Variants in PCDH15 observed in about 807,000 individuals in gnomAD.
PCDH15 encodes protocadherin related 15, also known as protocadherin-15.
In PCDH15, 129 loss-of-function variants were observed where a neutral mutation model predicts 178.5. The observed-to-expected ratio is 0.72, with a 90% CI of 0.63 to 0.84. PCDH15 has a LOEUF of 0.84. Among genes scored for constraint, PCDH15 ranks in the 40% least tolerant of loss-of-function variants. PCDH15 has a pLI of 0.00. For missense variants in PCDH15, 2,230 were observed against 2,099.9 expected, an observed-to-expected ratio of 1.06 and a Z score of -1.21; for synonymous variants, 800 against 732.0, an observed-to-expected ratio of 1.09 and a Z score of -1.50.
chr10:54,778,561 T>A (rs1039891855), intron 1 of PCDH15, among the ~76,000 whole-genome samples: 5 of 152,164 alleles, frequency 3.3e-5, no homozygotes, highest in Non-Finnish European at 7.4e-5. Flanking sequence ...TACACTTTTG[T>A]TTCTGGTTAG....
intron 1 of PCDH15, among the ~76,000 whole-genome samples, chr10:55,224,838 C>A (rs1840981874): frequency 6.6e-6 from 1 of 152,014 alleles, no homozygotes; most frequent in Non-Finnish European, 1.5e-5. Context: ...CTTTACCTTT[C>A]CATTCTCACT....
At chr10:54,467,182 T>G (rs1409012598) in intron 3 of PCDH15, among the ~76,000 whole-genome samples, 1 of 151,944 alleles carries the variant, frequency 6.6e-6, no homozygotes, top group Non-Finnish European at 1.5e-5. Flanking sequence ...GCTAGGCCTT[T>G]GAGTACTATG....
chr10:54,868,252 A>G (rs995355811), intron 3 of PCDH15, among the ~76,000 whole-genome samples: 3 of 152,156 alleles, frequency 2.0e-5, no homozygotes, highest in Non-Finnish European at 2.9e-5. Context: ...ATAGATGTAG[A>G]TTATTCTATT....
chr10:53,961,163 T>C (rs1320612847), intron 22 of PCDH15, among the ~76,000 whole-genome samples: 2 of 151,734 alleles, frequency 1.3e-5, no homozygotes, highest in African/African-American at 2.4e-5. Context: ...GGAAAATGGA[T>C]ACTCTCAGGA....
chr10:55,611,630 T>A (rs1393798023), intron 2 of PCDH15, among the ~76,000 whole-genome samples: 1 of 152,006 alleles, frequency 6.6e-6, no homozygotes, highest in Non-Finnish European at 1.5e-5. Flanking sequence ...AATTACTATA[T>A]GACCCAGAAA....
chr10:54,978,686 A>G (rs1048865179), intron 2 of PCDH15, among the ~76,000 whole-genome samples: 2 of 152,124 alleles, frequency 1.3e-5, no homozygotes, highest in Non-Finnish European at 2.9e-5. Flanking sequence ...AAAGGCATTG[A>G]CTTAAATCTG....
chr10:55,321,901 C>A (rs1440290396), upstream of PCDH15, among the ~76,000 whole-genome samples: 1 of 152,196 alleles, frequency 6.6e-6, no homozygotes, highest in Non-Finnish European at 1.5e-5. Context: ...ACTACAAAAA[C>A]ATACTTCAGA....
chr10:55,468,377 T>G (rs1210220780), intron 2 of PCDH15: 3 of 152,200 alleles, frequency 2.0e-5, no homozygotes. Flanking sequence ...ATTGGAATTT[T>G]GAGCTGAAAG....
chr10:54,195,983 T>C lies in PCDH15; in HGVS notation c.1099-94A>G, dbSNP rs2049588127. The C allele has an allele frequency of 6.5e-6, 7 of 1,078,548 alleles. No homozygotes were observed. The South Asian group carries it at 9.7e-5, about 15-fold the overall frequency. The allele number at this position is 1,078,548 out of a possible 1,614,324, so 66.8% of individuals were successfully genotyped here. On this transcript the variant is annotated intron_variant, in intron 10 of 37. Coordinates refer to ENST00000644397, the MANE Select transcript of PCDH15 (RefSeq NM_001384140.1). ...TCATGCAATATATAGGGTTCTCTTTTTAACTAATATCATCACATAAGGAAA... is the reference window on the plus strand; with the variant it reads ...TCATGCAATATATAGGGTTCTCTTTCTAACTAATATCATCACATAAGGAAA...
At chr10:55,183,227 G>A (rs1449996889) in intron 1 of PCDH15, among the ~76,000 whole-genome samples, 1 of 151,890 alleles carries the variant, frequency 6.6e-6, no homozygotes, top group African/African-American at 2.4e-5. Flanking sequence ...TTGTCCTTAT[G>A]AATGTCTCAT....
At chr10:53,871,110 G>T (rs1388470577) in intron 26 of PCDH15, among the ~76,000 whole-genome samples, 2 of 151,654 alleles carry the variant, frequency 1.3e-5, no homozygotes, top group African/African-American at 4.8e-5. Flanking sequence ...GAGGCGGGCG[G>T]GTCACAAGGT....
At chr10:54,911,151 G>T (rs1203783389) in intron 2 of PCDH15, among the ~76,000 whole-genome samples, 1 of 152,126 alleles carries the variant, frequency 6.6e-6, no homozygotes, top group Non-Finnish European at 1.5e-5. Flanking sequence ...ATATTCTGAG[G>T]CAGATAACAC....
intron 3 of PCDH15, among the ~76,000 whole-genome samples, chr10:54,489,144 A>T (rs1182480979): frequency 6.6e-6 from 1 of 152,050 alleles, no homozygotes; most frequent in Non-Finnish European, 1.5e-5. Context: ...AGATACCATT[A>T]AATTGGGTTA....
intron 14 of PCDH15, 148 bp from the exon 15 acceptor site, chr10:54,133,155 A>G: frequency 1.1e-6 from 1 of 942,782 alleles, no homozygotes; most frequent in Non-Finnish European, 1.6e-6. Flanking sequence ...AAGGATAGAA[A>G]AAACTACCAC....
chr10:54,564,882 A>C (rs2133434389), intron 2 of PCDH15, among the ~76,000 whole-genome samples: 1 of 152,308 alleles, frequency 6.6e-6, no homozygotes, highest in African/African-American at 2.4e-5. Context: ...TTTATCATGT[A>C]TCAATACATA....
chr10:53,889,913 C>T (rs902528045), intron 26 of PCDH15, among the ~76,000 whole-genome samples: 2 of 152,094 alleles, frequency 1.3e-5, no homozygotes, highest in African/African-American at 2.4e-5. Flanking sequence ...ATAAAAATAT[C>T]GTAAACAAGA....
chr10:54,736,389 C>T (rs1591364501), intron 1 of PCDH15, among the ~76,000 whole-genome samples: 1 of 152,038 alleles, frequency 6.6e-6, no homozygotes, highest in Non-Finnish European at 1.5e-5. Flanking sequence ...ATTTCTTTCT[C>T]TCTCACCCAC....
intron 15 of PCDH15, among the ~76,000 whole-genome samples, chr10:54,111,088 G>A (rs2095014980): frequency 6.6e-6 from 1 of 152,024 alleles, no homozygotes; most frequent in Non-Finnish European, 1.5e-5. Flanking sequence ...CACTAACATG[G>A]TTTTTGTTCC....
At chr10:53,843,647 T>G (rs2077795526) in intron 28 of PCDH15, among the ~76,000 whole-genome samples, 1 of 152,082 alleles carries the variant, frequency 6.6e-6, no homozygotes, top group South Asian at 2.1e-4. Flanking sequence ...AGTTATATTT[T>G]TAAAAAATCT....
Sources: allele counts gnomAD v4.1 joint callset (sites outside exome capture counted in the v4.1 genomes callset), GRCh38; gene constraint gnomAD v4.1.1; transcripts MANE v1.5; gene names NCBI Gene and HGNC (gene_info 2026-07-23, HGNC 2026-07-21).